YJU2B: variants seen among roughly 807,000 people sequenced by gnomAD.
The protein encoded by YJU2B is probable splicing factor YJU2B.
A neutral mutation model predicts 38.0 loss-of-function variants in YJU2B; 18 were observed. The observed-to-expected ratio is 0.47, with a 90% CI of 0.33 to 0.70. The LOEUF (loss-of-function observed/expected upper bound fraction) is 0.70. Ranked by LOEUF, YJU2B falls within the 30% of genes least tolerant of loss-of-function variation. The pLI, the probability that YJU2B is intolerant of heterozygous loss-of-function variation, is 0.02. For synonymous variants in YJU2B, 246 were observed against 225.4 expected, an observed-to-expected ratio of 1.09 and a Z score of -0.82; for missense variants, 538 against 556.3, an observed-to-expected ratio of 0.97 and a Z score of 0.33.
chr19:13,750,641 C>T (rs1973422863), intron 1 of YJU2B, among the ~76,000 whole-genome samples: 1 of 151,922 alleles, frequency 6.6e-6, no homozygotes, highest in Non-Finnish European at 1.5e-5. Flanking sequence ...GTGTGGATCA[C>T]CTCAGGCCAG....
chr19:13,739,246 AG>A (rs1222835791), intron 2 of YJU2B, among the ~76,000 whole-genome samples: 3 of 152,062 alleles, frequency 2.0e-5, no homozygotes, highest in Non-Finnish European at 4.4e-5. Flanking sequence ...CCTGGGCTCA[AG>A]CAATCCTCCT....
exon 1 of YJU2B, chr19:13,731,839 A>AG (rs1972827708): frequency 6.6e-6 from 1 of 152,226 alleles, no homozygotes; most frequent in African/African-American, 2.4e-5. Context: ...TTAGGATCCG[A>AG]GGGGGCCAAG....
At chr19:13,741,577 TAAA>T (rs36123429) in intron 2 of YJU2B, among the ~76,000 whole-genome samples, 6 of 141,060 alleles carry the variant, frequency 4.3e-5, no homozygotes, top group African/African-American at 5.3e-5. Context: ...TTCTACAAAT[TAAA>T]AAAAAAAAAA....
At chr19:13,740,625 C>T (rs950214971) in intron 2 of YJU2B, among the ~76,000 whole-genome samples, 1 of 152,150 alleles carries the variant, frequency 6.6e-6, no homozygotes, top group East Asian at 1.9e-4. Context: ...GCAACCTCTG[C>T]CTCCGAGTTC....
intron 3 of YJU2B, among the ~76,000 whole-genome samples, chr19:13,755,163 CAAAA>C (rs1043821281): frequency 1.7e-5 from 1 of 57,250 alleles, no homozygotes. Context: ...GACCCTGCCT[CAAAA>C]AAAAAAAAAA....
chr19:13,752,876 G>A (rs1973522911), intron 2 of YJU2B, among the ~76,000 whole-genome samples: 1 of 150,740 alleles, frequency 6.6e-6, no homozygotes, highest in Non-Finnish European at 1.5e-5. Context: ...TTGCACCACT[G>A]CACCCAAGCC....
rs753873963 is a variant in YJU2B at position 13,762,571 on chromosome 19, GTCCTC to G, written c.713-7_713-3del. 4 of 1,531,748 alleles carry G rather than the reference GTCCTC, an allele frequency of 2.6e-6. No individual in the cohort carries two copies. Among genetic ancestry groups the G allele is most frequent in the African/African-American group, 1.4e-5 (1 of 72,816 alleles). The allele number at this position is 1,531,748 out of a possible 1,614,324, so 94.9% of individuals were successfully genotyped here. ...CCCCCTCCCCTGCCGCCCCTGAAAT[GTCCTC>G]TCCTCTCCTCTAGCCTACGAGGACA... On this transcript the variant is annotated splice_polypyrimidine_tract_variant and intron_variant, in intron 9 of 9. Coordinates refer to ENST00000221554, the MANE Select transcript of YJU2B (RefSeq NM_030818.4).
At chr19:13,746,221 C>T (rs1973246184), upstream of YJU2B, among the ~76,000 whole-genome samples, 1 of 151,682 alleles carries the variant, frequency 6.6e-6, no homozygotes, top group Admixed American at 6.6e-5. Flanking sequence ...CACTGCACTC[C>T]AGCCTGAGTG....
At chr19:13,740,710 T>C (rs1568277862) in intron 2 of YJU2B, among the ~76,000 whole-genome samples, 1 of 152,136 alleles carries the variant, frequency 6.6e-6, no homozygotes, top group African/African-American at 2.4e-5. Flanking sequence ...CTAATCTTTG[T>C]ATTTTTAGTG....
Position 13,759,157 on chromosome 19 carries a change from AG to A in YJU2B, c.460del (p.Ala154ProfsTer13). On this transcript the variant is annotated frameshift_variant, in exon 8 of 10. Transcript: ENST00000221554. LOFTEE classifies it high-confidence loss of function. ...GCCATGTTCCGGCTGGAGCATGGCG[AG>A]GCCGACCGCAGCACACTCAAGAAGG... ...TDAMFRLEHG[E>X]ADRSTLKKAL... is the part of the protein sequence containing the mutation. 1 of 1,613,658 alleles carries A rather than the reference AG, an allele frequency of 6.2e-7. No homozygotes were observed. The highest frequency in any genetic ancestry group is 8.5e-7 in the Non-Finnish European group (1 of 1,179,880).
intron 1 of YJU2B, among the ~76,000 whole-genome samples, chr19:13,749,519 A>G (rs562080122): frequency 2.0e-5 from 3 of 152,340 alleles, no homozygotes; most frequent in African/African-American, 7.2e-5. Context: ...TGGCCTAAAA[A>G]GCTAGAAATA....
intron 2 of YJU2B, among the ~76,000 whole-genome samples, chr19:13,736,971 G>A (rs919073630): frequency 2.0e-5 from 3 of 148,130 alleles, no homozygotes; most frequent in African/African-American, 7.5e-5. Flanking sequence ...AGGTTGCGGT[G>A]AGCTGAGATC....
chr19:13,761,498 C>G (rs1408610471), intron 8 of YJU2B: 1 of 152,618 alleles, frequency 6.6e-6, no homozygotes, highest in Non-Finnish European at 1.5e-5. Context: ...TAGAGGCCAG[C>G]TCCACCAGGG....
chr19:13,758,005 A>G (rs564188187), intron 6 of YJU2B, among the ~76,000 whole-genome samples, 159 bp downstream of exon 6: 21 of 151,900 alleles, frequency 1.4e-4, no homozygotes, highest in African/African-American at 5.1e-4. Context: ...GCAACCCTCC[A>G]TGGCTCCCAC....
In YJU2B at chr19:13,759,417, G is replaced by C. The variant is rs187367819; in HGVS notation, c.573+145G>C. 245 of 639,990 alleles carry C rather than the reference G, an allele frequency of 3.8e-4. 3 individuals carry two copies. In the East Asian group the frequency reaches 6.7e-3, roughly 17 times the overall value. 39.6% of individuals were successfully genotyped at this position (639,990 alleles called of 1,614,324 possible). ...TCCCCATCTGCTACATGGTGACCAT[G>C]CCCTGTCTTAATCCATTCTGGCTAC... is the stretch of plus-strand genomic sequence containing the variant. On this transcript the variant is annotated intron_variant, in intron 8 of 9. Coordinates refer to ENST00000221554, the MANE Select transcript of YJU2B (RefSeq NM_030818.4).
upstream of YJU2B, among the ~76,000 whole-genome samples, chr19:13,745,142 T>G (rs145366116): frequency 5.1e-3 from 774 of 152,306 alleles, 6 homozygotes; most frequent in African/African-American, 0.017. Flanking sequence ...ACTGTGCGAC[T>G]TAACCTCTCT....
intron 2 of YJU2B, among the ~76,000 whole-genome samples, chr19:13,734,941 G>A (rs1972906041): frequency 6.6e-6 from 1 of 152,196 alleles, no homozygotes; most frequent in African/African-American, 2.4e-5. Flanking sequence ...CTGGAAACTG[G>A]TTGACCCAGT....
chr19:13,755,833 C>T (rs1009618755), intron 3 of YJU2B, among the ~76,000 whole-genome samples: 3 of 152,044 alleles, frequency 2.0e-5, no homozygotes, highest in African/African-American at 7.2e-5. Context: ...TGGCAGGCGC[C>T]TGTAATCCCA....
At chr19:13,743,772 G>T (rs1336349090), upstream of YJU2B, among the ~76,000 whole-genome samples, 1 of 150,128 alleles carries the variant, frequency 6.7e-6, no homozygotes, top group Non-Finnish European at 1.5e-5. Flanking sequence ...ACATGCCTGT[G>T]ATCCTCGCTA....
Sources: gnomAD v4.1 joint callset for allele counts (sites outside exome capture counted in the v4.1 genomes callset) on GRCh38, gnomAD v4.1.1 for gene constraint, MANE v1.5 for transcripts, NCBI Gene and HGNC (gene_info 2026-07-23, HGNC 2026-07-21) for gene names.